SANBR: variants seen among roughly 807,000 people sequenced by gnomAD.
SANBR encodes SANT and BTB domain regulator of class switch recombination.
In SANBR, 77 loss-of-function variants were observed where a neutral mutation model predicts 101.8. The observed-to-expected ratio is 0.76, with a 90% CI of 0.63 to 0.91. SANBR has a LOEUF of 0.91. Among genes scored for constraint, SANBR ranks in the 40% least tolerant of loss-of-function variants. SANBR has a pLI of 0.00. For synonymous variants in SANBR, 279 were observed against 274.7 expected, an observed-to-expected ratio of 1.02 and a Z score of -0.15; for missense variants, 875 against 853.0, an observed-to-expected ratio of 1.03 and a Z score of -0.32.
chr2:61,083,889 G>T (rs1435571837), intron 8 of SANBR, among the ~76,000 whole-genome samples: 3 of 150,830 alleles, frequency 2.0e-5, no homozygotes, highest in Non-Finnish European at 4.4e-5. Flanking sequence ...AAAACTTTTT[G>T]TAGAGACAGG....
intron 11 of SANBR, chr2:61,093,982 A>G (rs529175807): frequency 4.5e-5 from 19 of 421,418 alleles, no homozygotes; most frequent in Middle Eastern, 1.2e-3. Context: ...TTGAATCCCT[A>G]AAGTTTTCCT....
intron 13 of SANBR, among the ~76,000 whole-genome samples, chr2:61,105,868 C>T (rs1209191328): frequency 1.3e-5 from 2 of 151,964 alleles, no homozygotes; most frequent in South Asian, 2.1e-4. Context: ...GACAGGGTTT[C>T]GCCATGTTGG....
intron 11 of SANBR, among the ~76,000 whole-genome samples, chr2:61,095,833 G>A (rs368607656): frequency 1.2e-3 from 179 of 152,140 alleles, no homozygotes; most frequent in African/African-American, 4.0e-3. Flanking sequence ...AAAGCCCAGC[G>A]ATGTCCCCTC....
At chr2:61,081,424 G>A (rs1191267941) in intron 6 of SANBR, 28 bp from the exon 7 acceptor site, 1 of 1,567,336 alleles carries the variant, frequency 6.4e-7, no homozygotes, top group Non-Finnish European at 8.6e-7. Flanking sequence ...CCCATCAAAA[G>A]GGTAATCTAA....
intron 11 of SANBR, among the ~76,000 whole-genome samples, chr2:61,093,519 C>T (rs71420385): frequency 0.18 from 26,791 of 151,882 alleles, 2,758 homozygotes; most frequent in Middle Eastern, 0.32. Flanking sequence ...CACTTGAACC[C>T]GGGAGGCAGA....
intron 21 of SANBR, among the ~76,000 whole-genome samples, chr2:61,137,020 C>T (rs1314393169): frequency 1.3e-5 from 2 of 151,656 alleles, no homozygotes; most frequent in Non-Finnish European, 2.9e-5. Context: ...AATAATGAGG[C>T]TCACACCTGT....
chr2:61,123,581 C>T lies in SANBR; in HGVS notation c.*1419C>T. 3 of 968,806 alleles carry T rather than the reference C, an allele frequency of 3.1e-6. No homozygotes were observed. Among genetic ancestry groups the T allele is most frequent in the Non-Finnish European group, 3.7e-6 (3 of 814,820 alleles). The allele number at this position is 968,806 out of a possible 1,614,324, so 60.0% of individuals were successfully genotyped here. On this transcript the variant is annotated 3_prime_UTR_variant, in exon 22 of 22. Transcript: ENST00000402291. The stretch of plus-strand genomic sequence containing the variant: ...TTATATGTAAGTACTCTGTTAAATA[C>T]CAGAGTTTTTTTTGTAGTTTACTGT...
intron 1 of SANBR, among the ~76,000 whole-genome samples, chr2:61,066,803 A>C (rs1220282713): frequency 6.6e-6 from 1 of 152,200 alleles, no homozygotes; most frequent in Non-Finnish European, 1.5e-5. Flanking sequence ...TAGTCTTCTT[A>C]ATTAATACAT....
downstream of SANBR, among the ~76,000 whole-genome samples, chr2:61,124,991 A>T (rs1388640514): frequency 6.6e-6 from 1 of 152,230 alleles, no homozygotes; most frequent in Non-Finnish European, 1.5e-5. Context: ...CCTGGAATTA[A>T]TTCTGCAGCC....
chr2:61,092,560 T>C lies in SANBR; in HGVS notation c.1185T>C (p.Asn395=). 1.3e-6 allele frequency: 2 copies of C among 1,598,716 alleles called. No homozygotes were observed. Among genetic ancestry groups the C allele is most frequent in the Non-Finnish European group, 1.7e-6 (2 of 1,174,962 alleles). ...DVYWRLWGTI[N]WLTCSRCYQA... ...ACTGGCGATTGTGGGGAACAATCAA[T>C]TGGCTGACTTGTTCAAGATGTTATC... The change falls in exon 11 of 22, where the codon AAT becomes AAC. Residue 395 remains asparagine (N), a synonymous_variant. Transcript: ENST00000402291.
chr2:61,104,368 G>C (rs1683444577), intron 13 of SANBR, among the ~76,000 whole-genome samples: 1 of 151,880 alleles, frequency 6.6e-6, no homozygotes, highest in Non-Finnish European at 1.5e-5. Flanking sequence ...TGTAGTCCCA[G>C]CTACTTGGGA....
intron 6 of SANBR, among the ~76,000 whole-genome samples, chr2:61,079,828 A>G (rs973900908): frequency 4.6e-5 from 7 of 151,638 alleles, no homozygotes; most frequent in African/African-American, 1.7e-4. Flanking sequence ...TGAACCCGGG[A>G]GGCAGAGGTT....
rs1320827644 is a variant in SANBR, at chr2:61,083,209, C to T, written c.785C>T (p.Pro262Leu). 6.2e-7 allele frequency: 1 copy of T among 1,611,310 alleles called. No homozygotes were observed. The highest frequency in any genetic ancestry group is 8.5e-7 in the Non-Finnish European group (1 of 1,177,534). ...AATATGAATGCCATAGTAGCTACCC[C>T]ATGCAACATGAACTGTATTAATGCA... is the stretch of plus-strand genomic sequence containing the variant. Reference protein sequence around the residue: ...HKNMNAIVATPCNMNCINANL... With the variant: ...HKNMNAIVATLCNMNCINANL... Residue 262 changes from proline (P) to leucine (L), a missense_variant, in exon 8 of 22, where the codon CCA becomes CTA. Pro to Leu is a moderately conservative substitution (Grantham distance 98). Transcript: ENST00000402291.
chr2:61,076,341 G>A (rs1346294064), intron 5 of SANBR, among the ~76,000 whole-genome samples: 1 of 149,804 alleles, frequency 6.7e-6, no homozygotes, highest in Admixed American at 6.6e-5. Context: ...TTCAAGGCTG[G>A]GCGCGGTGGC....
At chr2:61,112,327 A>G (rs1378300883) in intron 16 of SANBR, among the ~76,000 whole-genome samples, 1 of 152,110 alleles carries the variant, frequency 6.6e-6, no homozygotes, top group Admixed American at 6.6e-5. Context: ...CCATTTATAT[A>G]TCTTTTTTAT....
At chr2:61,117,079 A>G in intron 17 of SANBR, 1 of 439,672 alleles carries the variant, frequency 2.3e-6, no homozygotes, top group South Asian at 2.8e-5. Context: ...AAATTGCATA[A>G]GCTGGGATTC....
intron 4 of SANBR, among the ~76,000 whole-genome samples, chr2:61,072,821 CTTTTTTTT>C (rs70959893): frequency 0.027 from 852 of 31,668 alleles, 17 homozygotes; most frequent in African/African-American, 0.11. Context: ...TCTCATGTTA[CTTTTTTTT>C]TTTTTTTTTT....
exon 21 of SANBR, chr2:61,134,164 A>G: frequency 1.2e-6 from 2 of 1,613,978 alleles, no homozygotes; most frequent in Non-Finnish European, 1.7e-6. Context: ...CAGAGACGGC[A>G]CTGTGTCTAA....
rs573884221 is a variant in SANBR, at chr2:61,107,060, T to A, written c.1611+398T>A. Among the ~76,000 whole-genome samples the A allele has an allele frequency of 5.9e-5, 9 of 151,560 alleles. No individual in the cohort carries two copies. The South Asian group carries it at 1.9e-3, about 32-fold the overall frequency. On this transcript the variant is annotated intron_variant, in intron 14 of 21. Coordinates refer to ENST00000402291, the MANE Select transcript of SANBR (RefSeq NM_001129993.3). ...CTTGTGCCTGTAGTCCAAGTTTTGCTGGGAGGCTGAGGTGGGAAGATTGCT... is the reference window on the plus strand; with the variant it reads ...CTTGTGCCTGTAGTCCAAGTTTTGCAGGGAGGCTGAGGTGGGAAGATTGCT...
Sources: allele counts gnomAD v4.1 joint callset (sites outside exome capture counted in the v4.1 genomes callset), GRCh38; gene constraint gnomAD v4.1.1; transcripts MANE v1.5; gene names NCBI Gene and HGNC (gene_info 2026-07-23, HGNC 2026-07-21).